The following PRPSAP2 variants were observed in gnomAD, a reference collection of about 807,000 sequenced individuals.
PRPSAP2 encodes phosphoribosyl pyrophosphate synthase-associated protein 2.
A neutral mutation model predicts 40.6 loss-of-function variants in PRPSAP2; 24 were observed. The ratio of observed to expected loss-of-function variants is 0.59; its 90% CI spans 0.43 to 0.83. The LOEUF is 0.83. Among genes scored for constraint, PRPSAP2 ranks in the 40% least tolerant of loss-of-function variants. The pLI, the probability that PRPSAP2 is intolerant of heterozygous loss-of-function variation, is 0.00. For synonymous variants in PRPSAP2, 149 were observed against 164.7 expected, an observed-to-expected ratio of 0.90 and a Z score of 0.73; for missense variants, 292 against 465.6, an observed-to-expected ratio of 0.63 and a Z score of 3.43.
Position 18,923,899 on chromosome 17 carries a change from T to C in PRPSAP2, c.734-15T>C. 1.9e-6 allele frequency: 3 copies of C among 1,602,238 alleles called. No homozygotes were observed. Among genetic ancestry groups the C allele is most frequent in the Non-Finnish European group, 1.7e-6 (2 of 1,174,698 alleles). Reference sequence around the variant, plus strand: ...TAATATAAAAATTTTGGTGTGTGTGTTTTATTCCAACCAGTGCTGATTCCT... The same window carrying C: ...TAATATAAAAATTTTGGTGTGTGTGCTTTATTCCAACCAGTGCTGATTCCT... On this transcript the variant is annotated splice_polypyrimidine_tract_variant and intron_variant, in intron 9 of 11. Coordinates refer to ENST00000268835, the MANE Select transcript of PRPSAP2 (RefSeq NM_002767.4).
chr17:18,890,753 A>G (rs976992511), intron 8 of PRPSAP2, among the ~76,000 whole-genome samples: 1 of 151,872 alleles, frequency 6.6e-6, no homozygotes, highest in African/African-American at 2.4e-5. Context: ...CTAGCAGACA[A>G]CTTCATAGTT....
chr17:18,930,699 G>A lies in PRPSAP2; in HGVS notation c.*1G>A. 1 of 1,605,944 alleles carries A rather than the reference G, an allele frequency of 6.2e-7. No homozygotes were observed. The highest frequency in any genetic ancestry group is 2.2e-5 in the East Asian group (1 of 44,796). Reference sequence around the variant, plus strand: ...CAGAAACATAGGCTTAGATGACTGAGTTTTCCTTTAGGAAAACTCCCGAGG... The same window carrying A: ...CAGAAACATAGGCTTAGATGACTGAATTTTCCTTTAGGAAAACTCCCGAGG... On this transcript the variant is annotated 3_prime_UTR_variant, in exon 12 of 12. Coordinates refer to ENST00000268835, the MANE Select transcript of PRPSAP2 (RefSeq NM_002767.4).
At chr17:18,872,248 G>A (rs7219204) in intron 4 of PRPSAP2, among the ~76,000 whole-genome samples, 52,953 of 149,438 alleles carry the variant, frequency 0.35, 9,529 homozygotes, top group Non-Finnish European at 0.39. Flanking sequence ...ATTCCAGCGT[G>A]GGCGACAGAG....
intron 11 of PRPSAP2, 120 bp from the exon 12 acceptor site, chr17:18,930,420 G>A: frequency 2.4e-6 from 2 of 836,606 alleles, no homozygotes; most frequent in Non-Finnish European, 3.7e-6. Context: ...TTGAGACATA[G>A]ATCCACTGTG....
intron 8 of PRPSAP2, among the ~76,000 whole-genome samples, chr17:18,900,272 T>C (rs1163811452): frequency 1.3e-5 from 2 of 152,256 alleles, no homozygotes; most frequent in East Asian, 3.8e-4. Flanking sequence ...TCTGCCTGCC[T>C]CGGCCTCCCA....
chr17:18,878,076 C>T (rs1321226599), intron 6 of PRPSAP2, among the ~76,000 whole-genome samples: 5 of 152,116 alleles, frequency 3.3e-5, no homozygotes, highest in Non-Finnish European at 7.3e-5. Flanking sequence ...ACCACCCTGC[C>T]TGCTAATTTT....
chr17:18,868,464 G>C (rs1011350386), intron 4 of PRPSAP2, among the ~76,000 whole-genome samples: 24 of 151,170 alleles, frequency 1.6e-4, no homozygotes, highest in Admixed American at 1.6e-3. Context: ...GGGAACAAGA[G>C]CGAGACTTTG....
At chr17:18,892,389 T>C (rs916073225) in intron 8 of PRPSAP2, among the ~76,000 whole-genome samples, 3 of 152,064 alleles carry the variant, frequency 2.0e-5, no homozygotes, top group Non-Finnish European at 4.4e-5. Flanking sequence ...TTCGTTTATG[T>C]TTTGAGGAAC....
At chr17:18,917,513 A>T (rs2041391225) in intron 9 of PRPSAP2, 1 of 144,106 alleles carries the variant, frequency 6.9e-6, no homozygotes, top group South Asian at 2.2e-4. Context: ...AGCTGGGACT[A>T]CCGGTACATG....
chr17:18,896,984 G>C (rs982993506), intron 8 of PRPSAP2, among the ~76,000 whole-genome samples: 2 of 152,118 alleles, frequency 1.3e-5, no homozygotes, highest in South Asian at 2.1e-4. Flanking sequence ...TTTTGAGACA[G>C]GGTCTCACTC....
At chr17:18,888,890 C>T (rs1002466809) in intron 7 of PRPSAP2, among the ~76,000 whole-genome samples, 6 of 152,248 alleles carry the variant, frequency 3.9e-5, no homozygotes, top group African/African-American at 1.2e-4. Context: ...CCCATTTTAA[C>T]CTCCGTAGAG....
At chr17:18,882,489 T>A in intron 6 of PRPSAP2, 79 bp from the exon 7 acceptor site, 3 of 906,526 alleles carry the variant, frequency 3.3e-6, no homozygotes. Context: ...CCAGCCTGGG[T>A]GACAGAATGG....
At chr17:18,885,617 C>T (rs2039083313) in intron 7 of PRPSAP2, among the ~76,000 whole-genome samples, 1 of 151,378 alleles carries the variant, frequency 6.6e-6, no homozygotes, top group African/African-American at 2.4e-5. Flanking sequence ...GATGGAGTTT[C>T]GCTCTTGTTG....
chr17:18,878,116 A>C (rs2038436038), intron 6 of PRPSAP2, among the ~76,000 whole-genome samples: 1 of 152,136 alleles, frequency 6.6e-6, no homozygotes, highest in Non-Finnish European at 1.5e-5. Context: ...GGGTCTTACT[A>C]TGTTGTTCAG....
intron 5 of PRPSAP2, among the ~76,000 whole-genome samples, chr17:18,876,600 G>A (rs2038316466): frequency 6.6e-6 from 1 of 152,198 alleles, no homozygotes; most frequent in Non-Finnish European, 1.5e-5. Context: ...TCCTTGTGGA[G>A]TTTATATTCC....
chr17:18,912,907 A>C (rs541020452), intron 9 of PRPSAP2, among the ~76,000 whole-genome samples: 1 of 152,310 alleles, frequency 6.6e-6, no homozygotes, highest in East Asian at 1.9e-4. Context: ...AACCAGACAA[A>C]CAACATTAAA....
intron 8 of PRPSAP2, among the ~76,000 whole-genome samples, chr17:18,894,479 C>CTTTTTTTTTTTTTTTTTTTTTTT (rs1201159228): frequency 8.3e-6 from 1 of 120,580 alleles, no homozygotes; most frequent in Non-Finnish European, 1.7e-5. Flanking sequence ...TTTCAATAGT[C>CTTTTTTTTTTTTTTTTTTTTTTT]TTTTTTTTTT....
At chr17:18,910,909 G>A (rs1404256239) in intron 8 of PRPSAP2, among the ~76,000 whole-genome samples, 194 bp from the exon 9 acceptor site, 1 of 152,160 alleles carries the variant, frequency 6.6e-6, no homozygotes, top group Non-Finnish European at 1.5e-5. Flanking sequence ...CTGCTGCAGA[G>A]GGAAGTGTTT....
At chr17:18,912,320 C>A (rs1215928141) in intron 9 of PRPSAP2, among the ~76,000 whole-genome samples, 1 of 152,198 alleles carries the variant, frequency 6.6e-6, no homozygotes, top group African/African-American at 2.4e-5. Flanking sequence ...GACAAGGGCA[C>A]TGACCCCCTT....
Sources: gnomAD v4.1 joint callset for allele counts (sites outside exome capture counted in the v4.1 genomes callset) on GRCh38, gnomAD v4.1.1 for gene constraint, MANE v1.5 for transcripts, NCBI Gene and HGNC (gene_info 2026-07-23, HGNC 2026-07-21) for gene names.